Variants in ICA1L observed in about 807,000 individuals in gnomAD.
The protein encoded by ICA1L is islet cell autoantigen 1 like.
A neutral mutation model predicts 61.3 loss-of-function variants in ICA1L; 50 were observed. The ratio of observed to expected loss-of-function variants is 0.82; its 90% CI spans 0.65 to 1.03. ICA1L has a LOEUF of 1.03. ICA1L is among the 50% of genes least tolerant of loss of function. The pLI, the probability that ICA1L is intolerant of heterozygous loss-of-function variation, is 0.00. For missense variants in ICA1L, 508 were observed against 556.7 expected (o/e 0.91, Z 0.88); for synonymous variants, 161 against 191.3 (o/e 0.84, Z 1.31).
At chr2:202,843,222 G>A (rs144659689) in intron 1 of ICA1L, among the ~76,000 whole-genome samples, 1 of 152,182 alleles carries the variant, frequency 6.6e-6, no homozygotes, top group Non-Finnish European at 1.5e-5. Flanking sequence ...TAATGTCTGT[G>A]CTCTTAGTGG....
intron 6 of ICA1L, among the ~76,000 whole-genome samples, chr2:202,817,002 T>C (rs974463435): frequency 1.3e-5 from 2 of 152,216 alleles, no homozygotes; most frequent in African/African-American, 4.8e-5. Flanking sequence ...TTAATTCTCA[T>C]AGGTGTCACT....
At chr2:202,830,278 C>T (rs546919529) in intron 1 of ICA1L, among the ~76,000 whole-genome samples, 9 of 152,108 alleles carry the variant, frequency 5.9e-5, no homozygotes, top group African/African-American at 1.9e-4. Context: ...CATGGTGGCA[C>T]GTACCTGTAA....
intron 9 of ICA1L, among the ~76,000 whole-genome samples, chr2:202,799,275 A>T (rs1201444280): frequency 6.6e-6 from 1 of 152,132 alleles, no homozygotes; most frequent in Non-Finnish European, 1.5e-5. Context: ...CATCCTCACC[A>T]GCATCTGTTA....
At chr2:202,848,772 A>G (rs966115013) in intron 1 of ICA1L, among the ~76,000 whole-genome samples, 2 of 152,174 alleles carry the variant, frequency 1.3e-5, no homozygotes, top group African/African-American at 2.4e-5. Context: ...TGCACCGCAT[A>G]ATGACATTTT....
At chr2:202,813,429 T>C (rs534839055) in intron 8 of ICA1L, among the ~76,000 whole-genome samples, 1 of 152,316 alleles carries the variant, frequency 6.6e-6, no homozygotes, top group Non-Finnish European at 1.5e-5. Context: ...TTAGTTCATT[T>C]TGTGTTGCTA....
intron 10 of ICA1L, 139 bp from the exon 11 acceptor site, chr2:202,789,226 G>A (rs1157032511): frequency 1.4e-6 from 1 of 712,910 alleles, no homozygotes; most frequent in Non-Finnish European, 2.2e-6. Flanking sequence ...GTGACTGGAA[G>A]TTTATGTGAA....
Position 202,828,974 on chromosome 2 carries a change from A to T in ICA1L, c.36T>A (p.Asn12Lys). The change falls in exon 2 of 13, where the codon AAT (asparagine) becomes AAA (lysine). Residue 12 changes from asparagine to lysine, a missense_variant. Transcript: ENST00000358299. ...TTTGCATTCTTCTGACTACTGACTG[A>T]TTATCTTCTGGTCTGGGTTGCCCAA... ...DSFGQPRPED[N>K]QSVVRRMQKK... 1 of 1,604,146 alleles carries T rather than the reference A, an allele frequency of 6.2e-7. No individual in the cohort carries two copies. Among genetic ancestry groups the T allele is most frequent in the Non-Finnish European group, 8.5e-7 (1 of 1,175,528 alleles).
chr2:202,816,418 G>A (rs1012622211), intron 6 of ICA1L, among the ~76,000 whole-genome samples: 6 of 152,128 alleles, frequency 3.9e-5, no homozygotes, highest in African/African-American at 1.2e-4. Flanking sequence ...TTTTTAATTG[G>A]AGAAAAATTA....
rs185814711 is a variant in ICA1L at position 202,810,038 on chromosome 2, G to A, written c.910+1708C>T. ...TTAACCCAAAGAAGACTACCTCAAG[G>A]CATTTAGTAATCAAACTCCCAAAGG... On this transcript the variant is annotated intron_variant, in intron 9 of 12. Transcript: ENST00000358299. Among the ~76,000 whole-genome samples the A allele has an allele frequency of 1.1e-3, 171 of 152,208 alleles. 2 individuals are homozygous for A. The highest frequency in any genetic ancestry group is 1.7e-3 in the Non-Finnish European group (117 of 68,004).
At chr2:202,785,842 T>G in intron 12 of ICA1L, 76 bp downstream of exon 12, 1 of 820,802 alleles carries the variant, frequency 1.2e-6, no homozygotes, top group Non-Finnish European at 2.0e-6. Flanking sequence ...CAATATAAAG[T>G]GATCCTTTTC....
At chr2:202,805,761 A>G (rs1574340424) in intron 9 of ICA1L, among the ~76,000 whole-genome samples, 1 of 152,346 alleles carries the variant, frequency 6.6e-6, no homozygotes, top group African/African-American at 2.4e-5. Flanking sequence ...ACAAATGAAT[A>G]TCTGAAATTT....
intron 1 of ICA1L, among the ~76,000 whole-genome samples, chr2:202,866,287 C>T (rs151299589): frequency 1.7e-4 from 26 of 152,198 alleles, no homozygotes; most frequent in Middle Eastern, 3.4e-3. Flanking sequence ...TAACAGAGTT[C>T]GGCCCCCTTC....
chr2:202,864,623 A>ATGTGTGTGTGTGTG (rs1486113978), intron 1 of ICA1L, among the ~76,000 whole-genome samples: 1 of 136,058 alleles, frequency 7.3e-6, no homozygotes, highest in African/African-American at 2.6e-5. Flanking sequence ...GTGTGTATAT[A>ATGTGTGTGTGTGTG]TATATGTGTG....
In ICA1L at chr2:202,859,263, A is replaced by G. The variant is rs182192301; in HGVS notation, c.-8+12356T>C. Among the ~76,000 whole-genome samples the G allele has an allele frequency of 5.9e-5, 9 of 152,338 alleles. No homozygotes were observed. The East Asian group carries it at 1.5e-3, about 26-fold the overall frequency. On this transcript the variant is annotated intron_variant, in intron 1 of 12. Coordinates refer to ENST00000358299, the MANE Select transcript of ICA1L (RefSeq NM_001288622.3). ...AACATTAGATTATAATTGAATTCAG[A>G]TTATAAATATAAATCTTTTCAGGTC...
chr2:202,851,894 T>C (rs2105881471), intron 1 of ICA1L, among the ~76,000 whole-genome samples: 1 of 152,366 alleles, frequency 6.6e-6, no homozygotes, highest in East Asian at 1.9e-4. Context: ...TCTTTGTAGA[T>C]TCTGGATATT....
At chr2:202,823,182 CT>C (rs1693744274) in intron 3 of ICA1L, among the ~76,000 whole-genome samples, 2 of 152,236 alleles carry the variant, frequency 1.3e-5, no homozygotes, top group South Asian at 4.2e-4. Context: ...TGTGCTGCTT[CT>C]ATGTTGAGAC....
At chr2:202,848,775 G>A (rs1266416384) in intron 1 of ICA1L, among the ~76,000 whole-genome samples, 2 of 152,116 alleles carry the variant, frequency 1.3e-5, no homozygotes, top group African/African-American at 4.8e-5. Context: ...ACCGCATAAT[G>A]ACATTTTAGC....
At chr2:202,803,852 A>G (rs900222968) in intron 9 of ICA1L, among the ~76,000 whole-genome samples, 2 of 152,198 alleles carry the variant, frequency 1.3e-5, no homozygotes, top group African/African-American at 4.8e-5. Context: ...AAAGCCAGAA[A>G]GGGTCACTAT....
At chr2:202,826,193 G>T (rs1342515443) in intron 2 of ICA1L, among the ~76,000 whole-genome samples, 1 of 152,022 alleles carries the variant, frequency 6.6e-6, no homozygotes, top group Non-Finnish European at 1.5e-5. Context: ...AAACAGATTA[G>T]TGAATTTACT....
Sources: gnomAD v4.1 joint callset for allele counts (sites outside exome capture counted in the v4.1 genomes callset) on GRCh38, gnomAD v4.1.1 for gene constraint, MANE v1.5 for transcripts, NCBI Gene and HGNC (gene_info 2026-07-23, HGNC 2026-07-21) for gene names.